The following OR2A4 variants were observed in gnomAD, a reference collection of about 807,000 sequenced individuals.
The protein encoded by OR2A4 is olfactory receptor family 2 subfamily A member 4, also known as olfactory receptor 2A4.
For synonymous variants in OR2A4, 71 were observed against 126.7 expected (o/e 0.56, Z 2.95); for missense variants, 152 against 313.2 (o/e 0.49, Z 3.88).
chr6:131,701,395 C>T lies in OR2A4; in HGVS notation c.7G>A (p.Asp3Asn). 1 of 1,613,872 alleles carries T rather than the reference C, an allele frequency of 6.2e-7. No individual in the cohort carries two copies. The part of the protein sequence containing the change: MG[D>N]NITSIREFLL... ...AACTCTCTGATGGATGTTATATTGTCTCCCATATCCCTATGACAGAGGAAA... is the reference window on the plus strand; with the variant it reads ...AACTCTCTGATGGATGTTATATTGTTTCCCATATCCCTATGACAGAGGAAA... The change falls in exon 1 of 1, where the codon GAC becomes AAC. Residue 3 changes from aspartate to asparagine, a missense_variant. Transcript: ENST00000315453.
Position 131,700,718 on chromosome 6 carries a change from T to C in OR2A4, c.684A>G (p.Gln228=). 51 of 1,556,454 alleles carry C rather than the reference T, an allele frequency of 3.3e-5. 7 individuals are homozygous for C. The highest frequency in any genetic ancestry group is 4.4e-5 in the Non-Finnish European group (51 of 1,165,138). The part of the protein sequence containing the change: ...MCILCAILQI[Q]SREVQRKAFR... ...AGGCTTTCCTCTGAACTTCCCTTGA[T>C]TGGATCTGAAGGATAGCACAGAGGA... The change falls in exon 1 of 1, where the codon CAA becomes CAG. Residue 228 remains glutamine (Q), a synonymous_variant. Coordinates refer to ENST00000315453, the MANE Select transcript of OR2A4 (RefSeq NM_030908.2).
At position 131,700,589 on chromosome 6, in the gene OR2A4, T is replaced by C; in HGVS notation, c.813A>G (p.Lys271=). The C allele has an allele frequency of 1.8e-5, 27 of 1,532,526 alleles. 3 individuals are homozygous for C. The highest frequency in any genetic ancestry group is 2.3e-5 in the Non-Finnish European group (27 of 1,150,818). The allele number at this position is 1,532,526 out of a possible 1,614,324, so 94.9% of individuals were successfully genotyped here. ...AGAGGCTGTGAAACAGCAGGAGATA[T>C]TTCTTCTGCTCCTTGGGGTTCCCAT... is the stretch of plus-strand genomic sequence containing the variant. ...PRYGNPKEQK[K]YLLLFHSLFN... The change falls in exon 1 of 1, where the codon AAA becomes AAG. Residue 271 remains lysine (K), a synonymous_variant. Coordinates refer to ENST00000315453, the MANE Select transcript of OR2A4 (RefSeq NM_030908.2).
chr6:131,700,592 C>T lies in OR2A4; in HGVS notation c.810G>A (p.Lys270=), dbSNP rs1408227869. ...GGCTGTGAAACAGCAGGAGATATTTCTTCTGCTCCTTGGGGTTCCCATATC... is the reference window on the plus strand; with the variant it reads ...GGCTGTGAAACAGCAGGAGATATTTTTTCTGCTCCTTGGGGTTCCCATATC... ...GPRYGNPKEQ[K]KYLLLFHSLF... The change falls in exon 1 of 1, where the codon AAG becomes AAA. Residue 270 remains lysine (K), a synonymous_variant. Transcript: ENST00000315453. 1 of 1,539,772 alleles carries T rather than the reference C, an allele frequency of 6.5e-7. No individual in the cohort carries two copies.
At position 131,700,810 on chromosome 6, in the gene OR2A4, C is replaced by T. The variant is rs1422619501; in HGVS notation, c.592G>A (p.Val198Ile). ...AGCCCAGAAATTGCTCCGGCCAAGA[C>T]CATGTTCTCATTGATGTGGGTATCT... ...CADTHINENM[V>I]LAGAISGLVG... The change falls in exon 1 of 1, where the codon GTC (valine) becomes ATC (isoleucine). Residue 198 changes from valine (V) to isoleucine (I), a missense_variant. Transcript: ENST00000315453. 7.2e-7 allele frequency: 1 copy of T among 1,386,878 alleles called. No homozygotes were observed. Among genetic ancestry groups the T allele is most frequent in the South Asian group, 1.2e-5 (1 of 80,224 alleles). 85.9% of individuals were successfully genotyped at this position (1,386,878 alleles called of 1,614,324 possible).
Position 131,701,351 on chromosome 6 carries a change from G to A in OR2A4, c.51C>T (p.Pro17=), listed in dbSNP as rs1399240639. Residue 17 remains proline (P), a synonymous_variant, in exon 1 of 1, where the codon CCC becomes CCT. Coordinates refer to ENST00000315453, the MANE Select transcript of OR2A4 (RefSeq NM_030908.2). ...SIREFLLLGF[P]VGPRIQMLLF... ...GGAGCATCTGAATCCTTGGGCCAACGGGAAATCCCAGTAGGAGGAACTCTC... is the reference window on the plus strand; with the variant it reads ...GGAGCATCTGAATCCTTGGGCCAACAGGAAATCCCAGTAGGAGGAACTCTC... 4.3e-6 allele frequency: 7 copies of A among 1,613,554 alleles called. No homozygotes were observed. The highest frequency in any genetic ancestry group is 5.1e-6 in the Non-Finnish European group (6 of 1,179,878).
Position 131,700,869 on chromosome 6 carries a change from CA to C in OR2A4, c.532del (p.Cys178ValfsTer37), listed in dbSNP as rs763408926. The stretch of plus-strand genomic sequence containing the variant: ...AAGTTTGAGAACAGCCAAGATTTCA[CA>C]AAAAAAGTGATAAATTTTCTGGGGC... ...CRPQKIYHFF[C>X]EILAVLKLAC... On this transcript the variant is annotated frameshift_variant, in exon 1 of 1. Coordinates refer to ENST00000315453, the MANE Select transcript of OR2A4 (RefSeq NM_030908.2). LOFTEE classifies it low-confidence loss of function (END_TRUNC). 2.7e-6 allele frequency: 3 copies of C among 1,093,674 alleles called. No homozygotes were observed. The highest frequency in any genetic ancestry group is 3.8e-6 in the Non-Finnish European group (3 of 788,322). 67.7% of individuals were successfully genotyped at this position (1,093,674 alleles called of 1,614,324 possible).
rs1360176070 is a variant in OR2A4 at position 131,700,708 on chromosome 6, C to A, written c.694G>T (p.Val232Phe). ...CAILQIQSREVQRKAFRTCFS... is the reference protein window; with the variant it reads ...CAILQIQSREFQRKAFRTCFS... The stretch of plus-strand genomic sequence containing the variant: ...CAGGTGCGGAAGGCTTTCCTCTGAA[C>A]TTCCCTTGATTGGATCTGAAGGATA... Residue 232 changes from valine to phenylalanine, a missense_variant, in exon 1 of 1, where the codon GTT (valine) becomes TTT (phenylalanine). Coordinates refer to ENST00000315453, the MANE Select transcript of OR2A4 (RefSeq NM_030908.2). The A allele has an allele frequency of 6.4e-7, 1 of 1,558,156 alleles. No homozygotes were observed. Among genetic ancestry groups the A allele is most frequent in the Non-Finnish European group, 8.6e-7 (1 of 1,165,740 alleles).
rs758736958 is a variant in OR2A4 at position 131,701,081 on chromosome 6, A to G, written c.321T>C (p.Ala107=). Reference sequence around the variant, plus strand: ...CCACCAGGAGGAGACATTCTGTGACAGCAAAAGTGGAAAACAGAAAGGTCT... The same window carrying G: ...CCACCAGGAGGAGACATTCTGTGACGGCAAAAGTGGAAAACAGAAAGGTCT... ...MMQTFLFSTF[A]VTECLLLVVM... is the part of the protein sequence containing the mutation. The change falls in exon 1 of 1, where the codon GCT becomes GCC. Residue 107 remains alanine (A), a synonymous_variant. Transcript: ENST00000315453. 90 of 561,508 alleles carry G rather than the reference A, an allele frequency of 1.6e-4. No homozygotes were observed. The highest frequency in any genetic ancestry group is 2.3e-4 in the Non-Finnish European group (77 of 338,414). 34.8% of individuals were successfully genotyped at this position (561,508 alleles called of 1,614,324 possible).
rs1262233394 is a variant in OR2A4, at chr6:131,700,878, T to G, written c.524A>C (p.His175Pro). The part of the protein sequence containing the change: ...LPFCRPQKIY[H>P]FFCEILAVLK... ...AACAGCCAAGATTTCACAAAAAAAG[T>G]GATAAATTTTCTGGGGCCTACAGAA... The change falls in exon 1 of 1, where the codon CAC (histidine) becomes CCC (proline). Residue 175 changes from histidine (H) to proline (P), a missense_variant. Physicochemically the swap from His to Pro is moderately conservative, Grantham distance 77 (BLOSUM62 -2). Transcript: ENST00000315453. The G allele has an allele frequency of 9.3e-7, 1 of 1,075,562 alleles. No homozygotes were observed. The highest frequency in any genetic ancestry group is 1.3e-6 in the Non-Finnish European group (1 of 770,504). The allele number at this position is 1,075,562 out of a possible 1,614,324, so 66.6% of individuals were successfully genotyped here.
Position 131,701,113 on chromosome 6 carries a change from T to C in OR2A4, c.289A>G (p.Met97Val). The stretch of plus-strand genomic sequence containing the variant: ...GTGGAAAACAGAAAGGTCTGCATCA[T>C]GCGGCCCGCAAAGGAGATGGGCTTG... ...PAKPISFAGR[M>V]MQTFLFSTFA... Residue 97 changes from methionine (M) to valine (V), a missense_variant, in exon 1 of 1, where the codon ATG (methionine) becomes GTG (valine). Met to Val is a conservative substitution (Grantham distance 21, BLOSUM62 1). Transcript: ENST00000315453. The C allele has an allele frequency of 1.6e-6, 1 of 617,230 alleles. No homozygotes were observed. The allele number at this position is 617,230 out of a possible 1,614,324, so 38.2% of individuals were successfully genotyped here.
Position 131,701,310 on chromosome 6 carries a change from G to C in OR2A4, c.92C>G (p.Ser31Cys), listed in dbSNP as rs540213561. ...CAGCAGGGTGAAGACGTAGAACAGG[G>C]AGAAGAGCCCAAAGAGGAGCATCTG... ...RIQMLLFGLFSLFYVFTLLGN... is the reference protein window; with the variant it reads ...RIQMLLFGLFCLFYVFTLLGN... Residue 31 changes from serine to cysteine, a missense_variant, in exon 1 of 1, where the codon TCC (serine) becomes TGC (cysteine). Transcript: ENST00000315453. 1.8e-5 allele frequency: 29 copies of C among 1,605,538 alleles called. No individual in the cohort carries two copies. The East Asian group carries it at 6.0e-4, about 33-fold the overall frequency.
Position 131,701,042 on chromosome 6 carries a change from A to C in OR2A4, c.360T>G (p.Asp120Glu), listed in dbSNP as rs547862851. The C allele has an allele frequency of 2.8e-4, 152 of 537,176 alleles. 1 individual carries two copies. The highest frequency in any genetic ancestry group is 4.3e-4 in the Non-Finnish European group (139 of 323,208). The allele number at this position is 537,176 out of a possible 1,614,324, so 33.3% of individuals were successfully genotyped here. The change falls in exon 1 of 1, where the codon GAT becomes GAG. Residue 120 changes from aspartate to glutamate, a missense_variant. Asp to Glu is a conservative substitution (Grantham distance 45, BLOSUM62 2). Coordinates refer to ENST00000315453, the MANE Select transcript of OR2A4 (RefSeq NM_030908.2). ...GGGGGTGGCAGATGGCCACGTACAGATCATAGGACATCACCACCAGGAGGA... is the reference window on the plus strand; with the variant it reads ...GGGGGTGGCAGATGGCCACGTACAGCTCATAGGACATCACCACCAGGAGGA... ...ECLLLVVMSY[D>E]LYVAICHPLR...
At position 131,701,302 on chromosome 6, in the gene OR2A4, A is replaced by G. The variant is rs373466055; in HGVS notation, c.100T>C (p.Tyr34His). The G allele has an allele frequency of 9.8e-5, 154 of 1,565,630 alleles. 1 individual carries two copies. The African/African-American group carries it at 1.7e-3, about 17-fold the overall frequency. ...MLLFGLFSLF[Y>H]VFTLLGNGTI... ...CCGTTCCCCAGCAGGGTGAAGACGT[A>G]GAACAGGGAGAAGAGCCCAAAGAGG... The change falls in exon 1 of 1, where the codon TAC (tyrosine) becomes CAC (histidine). Residue 34 changes from tyrosine (Y) to histidine (H), a missense_variant. Transcript: ENST00000315453.
At position 131,701,359 on chromosome 6, in the gene OR2A4, C is replaced by A; in HGVS notation, c.43G>T (p.Gly15Ter). The change falls in exon 1 of 1, where the codon GGA becomes TGA. Residue 15 changes from glycine to a stop codon, truncating the protein, a stop_gained. Coordinates refer to ENST00000315453, the MANE Select transcript of OR2A4 (RefSeq NM_030908.2). LOFTEE classifies it low-confidence loss of function (END_TRUNC). ...TGAATCCTTGGGCCAACGGGAAATC[C>A]CAGTAGGAGGAACTCTCTGATGGAT... ...ITSIREFLLL[G>*]FPVGPRIQML... 2 of 1,613,700 alleles carry A rather than the reference C, an allele frequency of 1.2e-6. No homozygotes were observed. Among genetic ancestry groups the A allele is most frequent in the Non-Finnish European group, 1.7e-6 (2 of 1,179,888 alleles).
rs761813558 is a variant in OR2A4, at chr6:131,701,031, G to A, written c.371C>T (p.Ala124Val). ...CAAATATCGGAGGGGGTGGCAGATG[G>A]CCACGTACAGATCATAGGACATCAC... is the stretch of plus-strand genomic sequence containing the variant. ...LVVMSYDLYV[A>V]ICHPLRYLAI... The change falls in exon 1 of 1, where the codon GCC (alanine) becomes GTC (valine). Residue 124 changes from alanine to valine, a missense_variant. Physicochemically the swap from Ala to Val is moderately conservative, Grantham distance 64. Coordinates refer to ENST00000315453, the MANE Select transcript of OR2A4 (RefSeq NM_030908.2). 1.3e-5 allele frequency: 7 copies of A among 538,696 alleles called. No homozygotes were observed. The highest frequency in any genetic ancestry group is 4.6e-5 in the African/African-American group (1 of 21,904). The allele number at this position is 538,696 out of a possible 1,614,324, so 33.4% of individuals were successfully genotyped here. A position where few individuals can be genotyped will look rare whatever the true frequency, so the allele number is the denominator to read the frequency against.
chr6:131,701,388 A>G lies in OR2A4; in HGVS notation c.14T>C (p.Ile5Thr), dbSNP rs867133062. The change falls in exon 1 of 1, where the codon ATA (isoleucine) becomes ACA (threonine). Residue 5 changes from isoleucine to threonine, a missense_variant. Transcript: ENST00000315453. ...TAGGAGGAACTCTCTGATGGATGTT[A>G]TATTGTCTCCCATATCCCTATGACA... MGDN[I>T]TSIREFLLLG... The G allele has an allele frequency of 1.2e-6, 2 of 1,613,972 alleles. No individual in the cohort carries two copies. Among genetic ancestry groups the G allele is most frequent in the Middle Eastern group, 3.3e-4 (2 of 6,058 alleles).
In OR2A4 at chr6:131,700,781, C is replaced by T. The variant is rs757321515; in HGVS notation, c.621G>A (p.Val207=). The T allele has an allele frequency of 6.7e-6, 10 of 1,484,704 alleles. No homozygotes were observed. Among genetic ancestry groups the T allele is most frequent in the South Asian group, 6.1e-5 (5 of 82,442 alleles). The allele number at this position is 1,484,704 out of a possible 1,614,324, so 92.0% of individuals were successfully genotyped here. The part of the protein sequence containing the change: ...MVLAGAISGL[V]GPLSTIVVSY... ...AAACTACAATTGTGGACAAGGGTCC[C>T]ACCAGCCCAGAAATTGCTCCGGCCA... is the stretch of plus-strand genomic sequence containing the variant. The change falls in exon 1 of 1, where the codon GTG becomes GTA. Residue 207 remains valine (V), a synonymous_variant. Coordinates refer to ENST00000315453, the MANE Select transcript of OR2A4 (RefSeq NM_030908.2).
chr6:131,700,183 G>C lies in OR2A4; in HGVS notation c.*286C>G. 1 of 83,046 alleles carries C rather than the reference G, an allele frequency of 1.2e-5. No homozygotes were observed. The highest frequency in any genetic ancestry group is 9.9e-5 in the South Asian group (1 of 10,056). The allele number at this position is 83,046 out of a possible 1,614,324, so 5.1% of individuals were successfully genotyped here. ...GTGTTTTGAGGAAAACATTATGGGA[G>C]GTATGGGACTGGATCAAAAGCTAAT... On this transcript the variant is annotated 3_prime_UTR_variant, in exon 1 of 1. Coordinates refer to ENST00000315453, the MANE Select transcript of OR2A4 (RefSeq NM_030908.2).
At position 131,701,390 on chromosome 6, in the gene OR2A4, A is replaced by G; in HGVS notation, c.12T>C (p.Asn4=). 1 of 1,613,910 alleles carries G rather than the reference A, an allele frequency of 6.2e-7. No individual in the cohort carries two copies. The highest frequency in any genetic ancestry group is 8.5e-7 in the Non-Finnish European group (1 of 1,179,892). The change falls in exon 1 of 1, where the codon AAT becomes AAC. Residue 4 remains asparagine, a synonymous_variant. Coordinates refer to ENST00000315453, the MANE Select transcript of OR2A4 (RefSeq NM_030908.2). MGD[N]ITSIREFLLL... is the part of the protein sequence containing the mutation. ...GGAGGAACTCTCTGATGGATGTTAT[A>G]TTGTCTCCCATATCCCTATGACAGA...
Sources: gnomAD v4.1 joint callset for allele counts on GRCh38, gnomAD v4.1.1 for gene constraint, MANE v1.5 for transcripts, NCBI Gene and HGNC (gene_info 2026-07-23, HGNC 2026-07-21) for gene names.